Variants in TTLL4 observed in about 807,000 individuals in gnomAD.
TTLL4 encodes tubulin monoglutamylase TTLL4.
A neutral mutation model predicts 122.7 loss-of-function variants in TTLL4; 85 were observed. The observed-to-expected ratio is 0.69, with a 90% confidence interval of 0.58 to 0.83. TTLL4 has a LOEUF of 0.83. Ranked by LOEUF, TTLL4 falls within the 40% of genes least tolerant of loss-of-function variation. The pLI is 0.00. For synonymous variants in TTLL4, 553 were observed against 563.0 expected, an observed-to-expected ratio of 0.98 and a Z score of 0.25; for missense variants, 1,363 against 1,488.6, an observed-to-expected ratio of 0.92 and a Z score of 1.39.
chr2:218,722,005 G>A (rs1006057346), intron 1 of TTLL4, among the ~76,000 whole-genome samples: 6 of 152,138 alleles, frequency 3.9e-5, no homozygotes, highest in African/African-American at 1.4e-4. Context: ...ATTAGGGCCA[G>A]GTGTAGGGGT....
rs541243739 is a variant in TTLL4, at chr2:218,732,348, A to G, written c.-99+5001A>G. On this transcript the variant is annotated intron_variant, in intron 2 of 19. Transcript: ENST00000392102. The stretch of plus-strand genomic sequence containing the variant: ...CTTTCTTTTGATGTTTCTTCCTAAA[A>G]TACTTCCTGGGAGATGAGCAGTCTG... 1.1e-4 allele frequency among the ~76,000 whole-genome samples: 17 copies of G among 152,282 alleles called. 1 individual carries two copies. In the Middle Eastern group the frequency reaches 0.014, roughly 122 times the overall value.
intron 14 of TTLL4, among the ~76,000 whole-genome samples, chr2:218,749,728 A>G (rs941962880): frequency 3.9e-5 from 6 of 152,136 alleles, no homozygotes; most frequent in African/African-American, 7.2e-5. Flanking sequence ...CGGCCTCCCA[A>G]AGTGCTGGGA....
At chr2:218,713,542 A>G (rs983057984) in intron 1 of TTLL4, among the ~76,000 whole-genome samples, 1 of 152,178 alleles carries the variant, frequency 6.6e-6, no homozygotes, top group African/African-American at 2.4e-5. Context: ...AGCTTCCCAA[A>G]GTGCTGGGAT....
At chr2:218,733,483 C>T (rs749435865) in intron 2 of TTLL4, among the ~76,000 whole-genome samples, 5 of 152,144 alleles carry the variant, frequency 3.3e-5, no homozygotes, top group Non-Finnish European at 4.4e-5. Flanking sequence ...GGGGGAAATC[C>T]GCCTCCATGA....
At position 218,753,680 on chromosome 2, in the gene TTLL4, C is replaced by T. The variant is rs780896488; in HGVS notation, c.3344+11C>T. On this transcript the variant is annotated intron_variant, in intron 19 of 19. Transcript: ENST00000392102. ...GACTAGCAAGCTGGGGTGAGTGCTG[C>T]CTGGGCAAGGGAGGGGCTGCTGGCT... is the stretch of plus-strand genomic sequence containing the variant. 79 of 1,613,816 alleles carry T rather than the reference C, an allele frequency of 4.9e-5. No individual in the cohort carries two copies. In the Admixed American group the frequency reaches 1.3e-3, roughly 26 times the overall value.
intron 8 of TTLL4, 28 bp downstream of exon 8, chr2:218,746,259 C>T (rs200384989): frequency 5.3e-5 from 86 of 1,613,350 alleles, no homozygotes; most frequent in Non-Finnish European, 6.9e-5. Flanking sequence ...GGAGCTGTTT[C>T]CCTGGACTTT....
chr2:218,753,357 C>G, intron 18 of TTLL4, 172 bp downstream of exon 18: 1 of 866,924 alleles, frequency 1.2e-6, no homozygotes, highest in Non-Finnish European at 1.8e-6. Flanking sequence ...CCAGGATTCC[C>G]TGGGTACCTT....
In TTLL4 at chr2:218,749,016, A is replaced by ACTTT. The variant is rs1942940143; in HGVS notation, c.2600+83_2600+86dup. ...TGGGCCTCACACTGCTGTGCTCTGG[A>ACTTT]CTTTGGCCATGCTGTGGTTTGGTTT... On this transcript the variant is annotated intron_variant, in intron 13 of 19. Coordinates refer to ENST00000392102, the MANE Select transcript of TTLL4 (RefSeq NM_014640.5). 6.6e-5 allele frequency: 98 copies of ACTTT among 1,479,208 alleles called. No individual in the cohort carries two copies. In the South Asian group the frequency reaches 1.1e-3, roughly 17 times the overall value. The allele number at this position is 1,479,208 out of a possible 1,614,324, so 91.6% of individuals were successfully genotyped here. A position where few individuals can be genotyped will look rare whatever the true frequency, so the allele number is the denominator to read the frequency against.
Position 218,753,584 on chromosome 2 carries a change from T to C in TTLL4, c.3259T>C (p.Trp1087Arg). Reference sequence around the variant, plus strand: ...GTCTCATTGCTTCCTTTGCTCTTAGTGGTCTCTCCCGACATCACTTCTGAC... The same window carrying C: ...GTCTCATTGCTTCCTTTGCTCTTAGCGGTCTCTCCCGACATCACTTCTGAC... Reference protein sequence around the residue: ...MGVVSDSAPVWSLPTSLLTIS... With the variant: ...MGVVSDSAPVRSLPTSLLTIS... Residue 1087 changes from tryptophan (W) to arginine (R), a missense_variant and splice_region_variant, in exon 19 of 20, where the codon TGG (tryptophan) becomes CGG (arginine). Physicochemically the swap from Trp to Arg is moderately radical, Grantham distance 101 (BLOSUM62 -3). Around this residue, in one of 3 missense-constraint regions of TTLL4, gnomAD observed 596 missense variants for 655.8 expected, o/e 0.91. Transcript: ENST00000392102. 6.2e-7 allele frequency: 1 copy of C among 1,613,928 alleles called. No individual in the cohort carries two copies. Among genetic ancestry groups the C allele is most frequent in the East Asian group, 2.2e-5 (1 of 44,880 alleles).
At chr2:218,743,439 C>G (rs765520025) in intron 5 of TTLL4, among the ~76,000 whole-genome samples, 3 of 152,054 alleles carry the variant, frequency 2.0e-5, no homozygotes, top group Non-Finnish European at 4.4e-5. Context: ...TTTGTTTAAC[C>G]GTACACCTGT....
At chr2:218,742,038 GTAACCTCGAACTC>G (rs1349494955) in intron 5 of TTLL4, among the ~76,000 whole-genome samples, 16 of 152,100 alleles carry the variant, frequency 1.1e-4, no homozygotes, top group African/African-American at 3.9e-4. Context: ...ATAGCTTACT[GTAACCTCGAACTC>G]CTGGGCTCAA....
In TTLL4 at chr2:218,751,802, A is replaced by G. The variant is rs747307394; in HGVS notation, c.2972A>G (p.Asp991Gly). ...TATTATCTGACCCAGAAAATTCCTG[A>G]TCAGGTAGGAGATTGGTCTTCCCCC... ...KAYYLTQKIP[D>G]QDFYASVLDV... Residue 991 changes from aspartate to glycine, a missense_variant, in exon 16 of 20, where the codon GAT (aspartate) becomes GGT (glycine). By Grantham distance (94) the Asp-to-Gly change is moderately conservative. Transcript: ENST00000392102. 2 of 1,609,440 alleles carry G rather than the reference A, an allele frequency of 1.2e-6. No individual in the cohort carries two copies. The highest frequency in any genetic ancestry group is 1.7e-6 in the Non-Finnish European group (2 of 1,177,204).
rs2106457666 is a variant in TTLL4, at chr2:218,749,559, C to T, written c.2735+172C>T. On this transcript the variant is annotated intron_variant, in intron 14 of 19. Transcript: ENST00000392102. ...TCTTGGCTTACTGCAACCTCCGCCT[C>T]CGGATTCAAGCAGTTCTCCTGCCTC... Among the ~76,000 whole-genome samples the T allele has an allele frequency of 1.3e-5, 2 of 152,114 alleles. 1 individual carries two copies. Among genetic ancestry groups the T allele is most frequent in the Middle Eastern group, 6.8e-3 (2 of 294 alleles).
intron 16 of TTLL4, 66 bp downstream of exon 16, chr2:218,751,872 A>C: frequency 8.5e-7 from 1 of 1,179,962 alleles, no homozygotes; most frequent in Non-Finnish European, 1.2e-6. Flanking sequence ...TGGGACCCAA[A>C]AGCAAACAGC....
In TTLL4 at chr2:218,738,424, G is replaced by C; in HGVS notation, c.748G>C (p.Val250Leu). 2 of 1,614,180 alleles carry C rather than the reference G, an allele frequency of 1.2e-6. No individual in the cohort carries two copies. Among genetic ancestry groups the C allele is most frequent in the South Asian group, 2.2e-5 (2 of 91,088 alleles). The change falls in exon 3 of 20, where the codon GTC becomes CTC. Residue 250 changes from valine (V) to leucine (L), a missense_variant. This residue lies in a region of TTLL4 where 760 missense variants were observed against 808.4 expected (regional missense o/e 0.94). Transcript: ENST00000392102. The part of the protein sequence containing the change: ...KPVSPPKIQP[V>L]SWHHSGGTGD... ...AGTATCGCCACCCAAGATCCAGCCT[G>C]TCTCCTGGCATCATTCAGGGGGTAC...
chr2:218,718,924 G>A (rs1941949118), intron 1 of TTLL4, among the ~76,000 whole-genome samples: 1 of 152,184 alleles, frequency 6.6e-6, no homozygotes, highest in African/African-American at 2.4e-5. Context: ...TAGAGGGGTT[G>A]GAGACTGGGC....
At chr2:218,753,046 C>T in intron 17 of TTLL4, 69 bp from the exon 18 acceptor site, 1 of 1,612,556 alleles carries the variant, frequency 6.2e-7, no homozygotes, top group South Asian at 1.1e-5. Context: ...AAGAAATGGG[C>T]CTCTCTGGAA....
At position 218,738,123 on chromosome 2, in the gene TTLL4, T is replaced by G. The variant is rs1259737077; in HGVS notation, c.447T>G (p.Pro149=). ...SPSEKSPFSL[P]QKSLPVSLTA... is the part of the protein sequence containing the mutation. ...CAGAAAAAAGCCCTTTTTCTCTCCC[T>G]CAAAAGAGCCTCCCTGTCAGTCTCA... The change falls in exon 3 of 20, where the codon CCT becomes CCG. Residue 149 remains proline (P), a synonymous_variant. Coordinates refer to ENST00000392102, the MANE Select transcript of TTLL4 (RefSeq NM_014640.5). 1.7e-5 allele frequency: 27 copies of G among 1,614,030 alleles called. No individual in the cohort carries two copies. The highest frequency in any genetic ancestry group is 2.3e-5 in the Non-Finnish European group (27 of 1,180,028).
intron 16 of TTLL4, 68 bp downstream of exon 16, chr2:218,751,874 G>C: frequency 3.2e-6 from 3 of 928,978 alleles, no homozygotes; most frequent in Non-Finnish European, 4.8e-6. Context: ...GGACCCAAAA[G>C]CAAACAGCTT....
Sources: gnomAD v4.1 joint callset for allele counts (sites outside exome capture counted in the v4.1 genomes callset) on GRCh38, gnomAD v4.1.1 for gene constraint, gnomAD v4.1.1 regional missense constraint, MANE v1.5 for transcripts, NCBI Gene and HGNC (gene_info 2026-07-23, HGNC 2026-07-21) for gene names.